The following PHF8 variants were observed in gnomAD, a reference collection of about 807,000 sequenced individuals.
PHF8 encodes histone lysine demethylase PHF8.
PHF8 carries 9 observed loss-of-function variants against 74.4 expected under a neutral mutation model. The observed-to-expected ratio is 0.12, with a 90% CI of 0.07 to 0.21. PHF8 has a LOEUF of 0.21. Ranked by LOEUF, PHF8 falls within the 10% of genes least tolerant of loss-of-function variation. The probability of loss-of-function intolerance (pLI) is 1.00; values close to 1 mark genes in which losing one functional copy is unlikely to be tolerated. For synonymous variants in PHF8, 311 were observed against 316.6 expected, an observed-to-expected ratio of 0.98 and a Z score of 0.19; for missense variants, 478 against 816.6, an observed-to-expected ratio of 0.59 and a Z score of 5.05.
At chrX:53,948,850 C>T (rs2064873414) in intron 19 of PHF8, among the ~76,000 whole-genome samples, 1 of 106,469 alleles carries the variant, frequency 9.4e-6, no homozygotes, top group Non-Finnish European at 1.9e-5. Flanking sequence ...ATGGAGAAAC[C>T]CTGTCTCTAC....
Position 53,937,975 on chromosome X carries a change from G to A in PHF8, c.*1183C>T. 8.7e-7 allele frequency: 1 copy of A among 1,154,681 alleles called. No individual in the cohort carries two copies. The highest frequency in any genetic ancestry group is 1.2e-6 in the Non-Finnish European group (1 of 862,321). On this transcript the variant is annotated 3_prime_UTR_variant, in exon 22 of 22. Transcript: ENST00000338154. Reference sequence around the variant, plus strand: ...AAGGGGAGGATCGGATGGATGGTCTGCTCCTTCACGGATGGGCGTCTCTTC... The same window carrying A: ...AAGGGGAGGATCGGATGGATGGTCTACTCCTTCACGGATGGGCGTCTCTTC...
At chrX:54,013,349 T>C (rs961451493) in intron 7 of PHF8, among the ~76,000 whole-genome samples, 7 of 111,705 alleles carry the variant, frequency 6.3e-5, no homozygotes, top group Non-Finnish European at 1.1e-4. Flanking sequence ...TAAATGACTA[T>C]ATACAACTGA....
At chrX:53,943,209 G>A in intron 20 of PHF8, 1 of 939,843 alleles carries the variant, frequency 1.1e-6, no homozygotes, top group Admixed American at 4.1e-5. Context: ...ATAAGAGACA[G>A]AAGTTCTGGT....
At chrX:54,036,320 T>C (rs781836923) in intron 2 of PHF8, among the ~76,000 whole-genome samples, 2 of 109,799 alleles carry the variant, frequency 1.8e-5, no homozygotes, top group East Asian at 2.8e-4. Context: ...ATTGAAATCA[T>C]ACAAAGTATA....
intron 20 of PHF8, chrX:53,943,144 T>A: frequency 8.2e-6 from 7 of 855,316 alleles, no homozygotes; most frequent in Non-Finnish European, 1.0e-5. Context: ...TATATTTATA[T>A]AAAACAGTAG....
intron 19 of PHF8, among the ~76,000 whole-genome samples, chrX:53,947,322 A>G (rs1819405217): frequency 8.9e-6 from 1 of 112,448 alleles, no homozygotes; most frequent in African/African-American, 3.2e-5. Context: ...TTTTAAAGAA[A>G]AAAACTAATG....
At chrX:53,978,797 C>CAAAAA (rs34127297) in intron 18 of PHF8, among the ~76,000 whole-genome samples, 1 of 42,880 alleles carries the variant, frequency 2.3e-5, no homozygotes, top group Non-Finnish European at 4.9e-5. Flanking sequence ...GGCTCCATCT[C>CAAAAA]AAAAAAAAAA....
chrX:54,000,641 C>G (rs961993032), intron 10 of PHF8, among the ~76,000 whole-genome samples: 8 of 112,569 alleles, frequency 7.1e-5, no homozygotes, highest in African/African-American at 1.6e-4. Flanking sequence ...CTCATCAATA[C>G]TGATTTCTCC....
Position 54,000,697 on chromosome X carries a change from T to C in PHF8, c.1142-736A>G, listed in dbSNP as rs991822982. On this transcript the variant is annotated intron_variant, in intron 10 of 21. Transcript: ENST00000338154. ...ATCTCAGGCCTAAGTAAGGGACCCATTCTATTCTGGATCAGACAAGGAAAG... is the reference window on the plus strand; with the variant it reads ...ATCTCAGGCCTAAGTAAGGGACCCACTCTATTCTGGATCAGACAAGGAAAG... Among the ~76,000 whole-genome samples, 7 of 112,638 alleles carry C rather than the reference T, an allele frequency of 6.2e-5. No individual in the cohort carries two copies. In the South Asian group the frequency reaches 1.1e-3, roughly 18 times the overall value.
chrX:54,036,600 AC>A lies in PHF8; in HGVS notation c.98+6030del, dbSNP rs1479294256. ...AAAAAAAAAAAAAAAAAAAAAAAAA[AC>A]TTTTTTTTTTTTTAATGCCTTGAAC... On this transcript the variant is annotated intron_variant, in intron 2 of 21. Coordinates refer to ENST00000338154, the MANE Select transcript of PHF8 (RefSeq NM_015107.3). 9.3e-3 allele frequency among the ~76,000 whole-genome samples: 807 copies of A among 86,753 alleles called. 28 individuals are homozygous for A. Among genetic ancestry groups the A allele is most frequent in the African/African-American group, 0.024 (475 of 19,819 alleles). 75.3% of individuals were successfully genotyped at this position (86,753 alleles called of 115,157 possible). A position where few individuals can be genotyped will look rare whatever the true frequency, so the allele number is the denominator to read the frequency against.
chrX:54,021,451 A>ATTTTT (rs1305246180), intron 4 of PHF8, among the ~76,000 whole-genome samples: 2 of 80,505 alleles, frequency 2.5e-5, no homozygotes, highest in East Asian at 5.0e-4. Context: ...CAAAGTTGCA[A>ATTTTT]TTATTTTTTT....
At chrX:53,954,516 A>G (rs1413809094) in intron 19 of PHF8, among the ~76,000 whole-genome samples, 1 of 104,841 alleles carries the variant, frequency 9.5e-6, no homozygotes, top group Admixed American at 1.1e-4. Flanking sequence ...AAAAAAAAAA[A>G]AAAAAAAAGA....
chrX:54,006,817 A>G (rs1216215025), intron 8 of PHF8, among the ~76,000 whole-genome samples: 2 of 108,995 alleles, frequency 1.8e-5, no homozygotes, highest in Non-Finnish European at 3.8e-5. Context: ...GGGTGCCTGT[A>G]ATCCCAGCTA....
chrX:53,954,728 T>G (rs1270253390), intron 19 of PHF8, among the ~76,000 whole-genome samples: 1 of 108,648 alleles, frequency 9.2e-6, no homozygotes, highest in East Asian at 2.8e-4. Context: ...TAACAAAAAT[T>G]TTTTAAAAGG....
chrX:53,949,853 G>C (rs1405321100), intron 19 of PHF8, among the ~76,000 whole-genome samples: 1 of 104,560 alleles, frequency 9.6e-6, no homozygotes, highest in Non-Finnish European at 2.0e-5. Context: ...ATGTTACTTT[G>C]CTTAGGTGTC....
chrX:53,991,439 A>G (rs900030139), intron 14 of PHF8, among the ~76,000 whole-genome samples: 4 of 109,299 alleles, frequency 3.7e-5, no homozygotes, highest in African/African-American at 1.3e-4. Flanking sequence ...AGGTGGGCGG[A>G]TCACTCGAGG....
At chrX:53,980,117 C>G (rs1217784589) in intron 18 of PHF8, among the ~76,000 whole-genome samples, 3 of 111,317 alleles carry the variant, frequency 2.7e-5, no homozygotes, top group Admixed American at 9.6e-5. Context: ...AGGATGCCCC[C>G]ATCACCACTA....
intron 2 of PHF8, 24 bp downstream of exon 2, chrX:54,042,607 T>C: frequency 8.4e-7 from 1 of 1,184,949 alleles, no homozygotes; most frequent in Non-Finnish European, 1.1e-6. Context: ...CCGCACCCTG[T>C]GTAGCCTGGC....
intron 21 of PHF8, among the ~76,000 whole-genome samples, 193 bp from the exon 22 acceptor site, chrX:53,939,439 A>G (rs2064716284): frequency 9.0e-6 from 1 of 111,354 alleles, no homozygotes; most frequent in Admixed American, 9.5e-5. Flanking sequence ...TCTTCCTCCT[A>G]TGACCTCCTG....
Sources: allele counts gnomAD v4.1 joint callset (sites outside exome capture counted in the v4.1 genomes callset), GRCh38; gene constraint gnomAD v4.1.1; transcripts MANE v1.5; gene names NCBI Gene and HGNC (gene_info 2026-07-23, HGNC 2026-07-21).